HS6ST2: variants seen among roughly 807,000 people sequenced by gnomAD.
HS6ST2 encodes the protein heparan-sulfate 6-O-sulfotransferase 2.
In HS6ST2, 17 loss-of-function variants were observed where a neutral mutation model predicts 33.0. The ratio of observed to expected loss-of-function variants is 0.52; its 90% CI spans 0.35 to 0.77. The LOEUF (loss-of-function observed/expected upper bound fraction) is 0.77, where lower values mean the gene tolerates loss of function less well. Among genes scored for constraint, HS6ST2 ranks in the 30% least tolerant of loss-of-function variants. The probability of loss-of-function intolerance (pLI) is 0.01; values close to 1 mark genes in which losing one functional copy is unlikely to be tolerated. For synonymous variants in HS6ST2, 248 were observed against 237.1 expected (o/e 1.05, Z -0.42); for missense variants, 519 against 551.7 (o/e 0.94, Z 0.59).
intron 2 of HS6ST2, among the ~76,000 whole-genome samples, chrX:132,930,910 T>C (rs529981334): frequency 1.8e-5 from 2 of 111,029 alleles, no homozygotes; most frequent in African/African-American, 6.6e-5. Context: ...AAGATTTAAA[T>C]AGGACCCAGC....
intron 2 of HS6ST2, among the ~76,000 whole-genome samples, chrX:132,790,088 G>T (rs765681374): frequency 8.9e-6 from 1 of 112,285 alleles, no homozygotes; most frequent in Non-Finnish European, 1.9e-5. Context: ...TTTACTGTGG[G>T]TAAAATCCTC....
In HS6ST2 at chrX:132,651,370, C is replaced by T. The variant is rs755171772; in HGVS notation, c.1067+17743G>A. Among the ~76,000 whole-genome samples, 12 of 111,794 alleles carry T rather than the reference C, an allele frequency of 1.1e-4. No homozygotes were observed. The South Asian group carries it at 4.5e-3, about 42-fold the overall frequency. On this transcript the variant is annotated intron_variant, in intron 4 of 4. Coordinates refer to ENST00000370833, the MANE Select transcript of HS6ST2 (RefSeq NM_001394073.1). ...CCCAAATACTTCCCTCATTTAACCA[C>T]TTCCCCAGAGTTGATCTATTGTATA...
intron 2 of HS6ST2, among the ~76,000 whole-genome samples, chrX:132,813,161 T>C (rs1307242532): frequency 8.9e-6 from 1 of 111,869 alleles, no homozygotes; most frequent in Admixed American, 9.5e-5. Flanking sequence ...CATAATATTC[T>C]ACTTGGTTTG....
chrX:132,935,614 T>C (rs1158286491), intron 2 of HS6ST2, among the ~76,000 whole-genome samples: 1 of 111,805 alleles, frequency 8.9e-6, no homozygotes, highest in Non-Finnish European at 1.9e-5. Context: ...AATAGTTGAA[T>C]CATACAATGT....
chrX:132,854,853 C>CCGAA (rs1445013871), intron 2 of HS6ST2, among the ~76,000 whole-genome samples: 23 of 111,950 alleles, frequency 2.1e-4, no homozygotes, highest in African/African-American at 7.1e-4. Flanking sequence ...CACAGACGAA[C>CCGAA]TGAATTTCAA....
At chrX:132,927,179 G>A (rs138401736) in intron 2 of HS6ST2, among the ~76,000 whole-genome samples, 2,877 of 110,279 alleles carry the variant, frequency 0.026, 116 homozygotes, top group Admixed American at 0.17. Flanking sequence ...TCTTTTACTC[G>A]CAGCATTCTT....
At chrX:132,941,124 C>G (rs2036349592) in intron 2 of HS6ST2, among the ~76,000 whole-genome samples, 1 of 111,902 alleles carries the variant, frequency 8.9e-6, no homozygotes, top group African/African-American at 3.2e-5. Context: ...ATTTTTAAAA[C>G]AGAAGAGTTC....
At chrX:132,642,697 T>C (rs967617197) in intron 4 of HS6ST2, among the ~76,000 whole-genome samples, 1 of 111,933 alleles carries the variant, frequency 8.9e-6, no homozygotes, top group African/African-American at 3.2e-5. Flanking sequence ...TGAAAAAAAC[T>C]CATCCATCCC....
chrX:132,893,455 G>A (rs936757171), intron 2 of HS6ST2, among the ~76,000 whole-genome samples: 1 of 112,360 alleles, frequency 8.9e-6, no homozygotes, highest in Non-Finnish European at 1.9e-5. Context: ...GCTCTAAGCA[G>A]AGTGAGTGGC....
chrX:132,840,176 G>A (rs1040132701), intron 2 of HS6ST2, among the ~76,000 whole-genome samples: 1 of 111,624 alleles, frequency 9.0e-6, no homozygotes, highest in African/African-American at 3.3e-5. Flanking sequence ...CTGAAGAGCT[G>A]TGAACTGGGT....
rs747236899 is a variant in HS6ST2, at chrX:132,846,001, G to A, written c.947+110807C>T. On this transcript the variant is annotated intron_variant, in intron 2 of 4. Coordinates refer to ENST00000370833, the MANE Select transcript of HS6ST2 (RefSeq NM_001394073.1). ...TAAGGTCTCTGTTGCAACTACTCTA[G>A]TTTTGTTTCAAGAAAGCAGCATAAA... Among the ~76,000 whole-genome samples the A allele has an allele frequency of 3.6e-5, 4 of 111,613 alleles. No individual in the cohort carries two copies. The South Asian group carries it at 1.5e-3, about 42-fold the overall frequency.
intron 2 of HS6ST2, among the ~76,000 whole-genome samples, chrX:132,790,508 A>G (rs748560005): frequency 5.7e-4 from 64 of 112,014 alleles, no homozygotes; most frequent in Non-Finnish European, 5.6e-5. Context: ...AACCCGCAGT[A>G]TCTCTAAGAT....
Position 132,702,461 on chromosome X carries a change from C to T in HS6ST2, c.980+6001G>A, listed in dbSNP as rs191211224. Reference sequence around the variant, plus strand: ...TGACTACGACAAGAAAAGTGTGGAACACATATTTGACAGGAGGCTACATTA... The same window carrying T: ...TGACTACGACAAGAAAAGTGTGGAATACATATTTGACAGGAGGCTACATTA... On this transcript the variant is annotated intron_variant, in intron 3 of 4. Transcript: ENST00000370833. Among the ~76,000 whole-genome samples, 3 of 111,993 alleles carry T rather than the reference C, an allele frequency of 2.7e-5. No individual in the cohort carries two copies. In the Admixed American group the frequency reaches 2.8e-4, roughly 11 times the overall value.
intron 2 of HS6ST2, among the ~76,000 whole-genome samples, chrX:132,788,257 T>C (rs775878788): frequency 1.8e-5 from 2 of 112,198 alleles, no homozygotes; most frequent in East Asian, 5.6e-4. Context: ...TACATTTTGG[T>C]AATTTTCACA....
chrX:132,951,831 C>G (rs2067019613), intron 2 of HS6ST2, among the ~76,000 whole-genome samples: 1 of 112,164 alleles, frequency 8.9e-6, no homozygotes, highest in Non-Finnish European at 1.9e-5. Flanking sequence ...TTTGTATATT[C>G]TGGTAAATGT....
chrX:132,936,515 A>C (rs911878678), intron 2 of HS6ST2, among the ~76,000 whole-genome samples: 26 of 112,293 alleles, frequency 2.3e-4, no homozygotes, highest in Non-Finnish European at 3.8e-5. Flanking sequence ...TCAGACAAAG[A>C]CATCACAGGA....
At chrX:132,820,373 A>C (rs1048691911) in intron 2 of HS6ST2, among the ~76,000 whole-genome samples, 1 of 111,876 alleles carries the variant, frequency 8.9e-6, no homozygotes, top group East Asian at 2.8e-4. Flanking sequence ...GGGCATCGCC[A>C]TAGGTCTGTC....
chrX:132,811,685 A>AATATAT (rs56390608), intron 2 of HS6ST2, among the ~76,000 whole-genome samples: 5,453 of 29,612 alleles, frequency 0.18, 844 homozygotes, highest in African/African-American at 0.19. Flanking sequence ...AAGGCTGAAT[A>AATATAT]ATATATATAT....
At chrX:132,729,478 G>A (rs989735179) in intron 2 of HS6ST2, among the ~76,000 whole-genome samples, 4 of 110,939 alleles carry the variant, frequency 3.6e-5, no homozygotes, top group Non-Finnish European at 7.6e-5. Context: ...AATCATTCAG[G>A]GAGTCCGTAA....
Sources: allele counts gnomAD v4.1 joint callset (sites outside exome capture counted in the v4.1 genomes callset), GRCh38; gene constraint gnomAD v4.1.1; transcripts MANE v1.5; gene names NCBI Gene and HGNC (gene_info 2026-07-23, HGNC 2026-07-21).